The following ZNF483 variants were observed in gnomAD, a reference collection of about 807,000 sequenced individuals.
The protein encoded by ZNF483 is zinc finger protein 483.
Under a neutral mutation model 28.6 loss-of-function variants are expected in ZNF483, and 9 were observed. That is an observed-to-expected ratio of 0.32 (90% CI 0.19 to 0.55). The LOEUF (loss-of-function observed/expected upper bound fraction) is 0.55. Among genes scored for constraint, ZNF483 ranks in the 20% least tolerant of loss-of-function variants. ZNF483 has a pLI of 0.93. For synonymous variants in ZNF483, 322 were observed against 306.2 expected, an observed-to-expected ratio of 1.05 and a Z score of -0.54; for missense variants, 675 against 871.7, an observed-to-expected ratio of 0.77 and a Z score of 2.84.
chr9:111,550,823 A>G lies in ZNF483; in HGVS notation c.*7653A>G, dbSNP rs1827919162. On this transcript the variant is annotated 3_prime_UTR_variant, in exon 6 of 6. Transcript: ENST00000309235. ...TTTTTTCTAATTGGTTTTGTTTCATAGGTGAAATATTTTTTCTCTGAGCAT... is the reference window on the plus strand; with the variant it reads ...TTTTTTCTAATTGGTTTTGTTTCATGGGTGAAATATTTTTTCTCTGAGCAT... 6.6e-6 allele frequency among the ~76,000 whole-genome samples: 1 copy of G among 152,134 alleles called. No individual in the cohort carries two copies. The highest frequency in any genetic ancestry group is 2.4e-5 in the African/African-American group (1 of 41,430).
chr9:111,544,349 T>TGC lies in ZNF483; in HGVS notation c.*1180_*1181insCG. On this transcript the variant is annotated 3_prime_UTR_variant, in exon 6 of 6. Transcript: ENST00000309235. ...AACAATTTGCTTGGGTGTGTGTGCA[T>TGC]GTGTGTGTGTGTGTGTGTGTGTGTA... The TGC allele has an allele frequency of 3.5e-5, 16 of 454,828 alleles. No homozygotes were observed. The highest frequency in any genetic ancestry group is 7.5e-5 in the African/African-American group (1 of 13,310). 28.2% of individuals were successfully genotyped at this position (454,828 alleles called of 1,614,324 possible). A position where few individuals can be genotyped will look rare whatever the true frequency, so the allele number is the denominator to read the frequency against.
intron 5 of ZNF483, chr9:111,563,052 T>C (rs1040435646): frequency 1.1e-4 from 177 of 1,573,524 alleles, no homozygotes; most frequent in Non-Finnish European, 1.5e-4. Flanking sequence ...AGTATACATT[T>C]TTGCTAAATG....
chr9:111,534,718 CTTTTTTTT>C (rs67740162), intron 5 of ZNF483, among the ~76,000 whole-genome samples: 3 of 88,130 alleles, frequency 3.4e-5, no homozygotes, highest in Admixed American at 1.3e-4. Context: ...GTCGTTCTAT[CTTTTTTTT>C]TTTTTTTTTT....
intron 5 of ZNF483, among the ~76,000 whole-genome samples, chr9:111,565,288 A>G (rs892215357): frequency 1.3e-5 from 2 of 152,168 alleles, no homozygotes; most frequent in African/African-American, 4.8e-5. Context: ...AGAGGCCTGC[A>G]AAGAAACAAC....
At chr9:111,557,896 C>T (rs1023914706), downstream of ZNF483, among the ~76,000 whole-genome samples, 3 of 152,146 alleles carry the variant, frequency 2.0e-5, no homozygotes, top group African/African-American at 4.8e-5. Context: ...TGCCTGTAAT[C>T]CCAGCGCTTT....
rs1478081555 is a variant in ZNF483, at chr9:111,553,868, A to C, written c.*10698A>C. Among the ~76,000 whole-genome samples the C allele has an allele frequency of 6.6e-6, 1 of 152,254 alleles. No homozygotes were observed. The stretch of plus-strand genomic sequence containing the variant: ...CACAGAGAACCCAACAAATTGGAGT[A>C]GCTTAACTGAATGAAAGTTTATTCC... On this transcript the variant is annotated 3_prime_UTR_variant, in exon 6 of 6. Coordinates refer to ENST00000309235, the MANE Select transcript of ZNF483 (RefSeq NM_133464.5).
rs943063183 is a variant in ZNF483, at chr9:111,554,081, A to G, written c.*10911A>G. 6.6e-6 allele frequency among the ~76,000 whole-genome samples: 1 copy of G among 152,082 alleles called. No homozygotes were observed. Among genetic ancestry groups the G allele is most frequent in the Non-Finnish European group, 1.5e-5 (1 of 68,020 alleles). On this transcript the variant is annotated 3_prime_UTR_variant, in exon 6 of 6. Transcript: ENST00000309235. ...ACTCGGTGCCAAGGTTTCCCATTCC[A>G]CTCTAGAGATCTCACACAGGCTTCC... is the stretch of plus-strand genomic sequence containing the variant.
intron 3 of ZNF483, among the ~76,000 whole-genome samples, chr9:111,532,786 G>A (rs1420687852): frequency 6.6e-6 from 1 of 152,112 alleles, no homozygotes; most frequent in African/African-American, 2.4e-5. Flanking sequence ...GTGCATGCCT[G>A]TAATCCCAGC....
chr9:111,543,258 A>C lies in ZNF483; in HGVS notation c.*88A>C, dbSNP rs1055719167. 31 of 1,478,548 alleles carry C rather than the reference A, an allele frequency of 2.1e-5. No homozygotes were observed. The highest frequency in any genetic ancestry group is 1.8e-4 in the Middle Eastern group (1 of 5,540). 91.6% of individuals were successfully genotyped at this position (1,478,548 alleles called of 1,614,324 possible). ...ATGTAAACTTACAGTATTGATCAGT[A>C]GCTGCAGCTTTCGTAAATTGGCAGT... On this transcript the variant is annotated 3_prime_UTR_variant, in exon 6 of 6. Transcript: ENST00000309235.
At position 111,552,070 on chromosome 9, in the gene ZNF483, A is replaced by G. The variant is rs1589282447; in HGVS notation, c.*8900A>G. Among the ~76,000 whole-genome samples the G allele has an allele frequency of 6.6e-6, 1 of 152,184 alleles. No individual in the cohort carries two copies. The highest frequency in any genetic ancestry group is 2.1e-4 in the South Asian group (1 of 4,826). ...GGTCACAAGTTTTTCCCATTTTAGG[A>G]GCTTCAAATTTAGCTTGTTCATATG... On this transcript the variant is annotated 3_prime_UTR_variant, in exon 6 of 6. Coordinates refer to ENST00000309235, the MANE Select transcript of ZNF483 (RefSeq NM_133464.5).
chr9:111,570,614 T>TA lies in ZNF483; in HGVS notation c.722-5736dup, dbSNP rs75586959. Reference sequence around the variant, plus strand: ...TGAAACCCCCGTCTCTTCTAAAAATTAAAAAAAAAAAAAAATTAGCTGGGC... The same window carrying TA: ...TGAAACCCCCGTCTCTTCTAAAAATTAAAAAAAAAAAAAAAATTAGCTGGGC... On this transcript the variant is annotated intron_variant, in intron 5 of 5. Coordinates refer to the ZNF483 transcript ENST00000358151. 3.4e-3 allele frequency among the ~76,000 whole-genome samples: 467 copies of TA among 138,956 alleles called. 2 individuals carry two copies. Among genetic ancestry groups the TA allele is most frequent in the Middle Eastern group, 0.022 (6 of 278 alleles). The allele number at this position is 138,956 out of a possible 152,430, so 91.2% of individuals were successfully genotyped here. A position where few individuals can be genotyped will look rare whatever the true frequency, so the allele number is the denominator to read the frequency against.
At position 111,544,110 on chromosome 9, in the gene ZNF483, G is replaced by A; in HGVS notation, c.*940G>A. The A allele has an allele frequency of 5.1e-6, 5 of 985,470 alleles. No individual in the cohort carries two copies. The highest frequency in any genetic ancestry group is 6.0e-6 in the Non-Finnish European group (5 of 829,968). The allele number at this position is 985,470 out of a possible 1,614,324, so 61.0% of individuals were successfully genotyped here. On this transcript the variant is annotated 3_prime_UTR_variant, in exon 6 of 6. Coordinates refer to ENST00000309235, the MANE Select transcript of ZNF483 (RefSeq NM_133464.5). Reference sequence around the variant, plus strand: ...ATTGGCCAACAGGACTGAGAAGCCAGAGAGCTTGCACCTGAGCCATCTCAG... The same window carrying A: ...ATTGGCCAACAGGACTGAGAAGCCAAAGAGCTTGCACCTGAGCCATCTCAG...
rs2132271203 is a variant in ZNF483 at position 111,547,986 on chromosome 9, G to T, written c.*4816G>T. Among the ~76,000 whole-genome samples, 1 of 152,200 alleles carries T rather than the reference G, an allele frequency of 6.6e-6. No individual in the cohort carries two copies. Among genetic ancestry groups the T allele is most frequent in the South Asian group, 2.1e-4 (1 of 4,820 alleles). On this transcript the variant is annotated 3_prime_UTR_variant, in exon 6 of 6. Coordinates refer to ENST00000309235, the MANE Select transcript of ZNF483 (RefSeq NM_133464.5). ...TCTGCTCTGTTTCTTTGGTCTATAT[G>T]TTTGTCTTTATGCCAGTACCATGCT...
At position 111,555,393 on chromosome 9, in the gene ZNF483, T is replaced by C. The variant is rs1318914660; in HGVS notation, c.*12223T>C. Among the ~76,000 whole-genome samples the C allele has an allele frequency of 3.9e-5, 6 of 152,298 alleles. No individual in the cohort carries two copies. The East Asian group carries it at 7.7e-4, about 20-fold the overall frequency. On this transcript the variant is annotated 3_prime_UTR_variant, in exon 6 of 6. Transcript: ENST00000309235. ...CCTGATGCCTCCACCTCCTAAATCT[T>C]TCCATATTTCATTAGTACCCCATCA...
chr9:111,529,714 A>G (rs1307710924), intron 2 of ZNF483, among the ~76,000 whole-genome samples: 2 of 152,242 alleles, frequency 1.3e-5, no homozygotes, highest in Non-Finnish European at 2.9e-5. Context: ...ATTTGAAAAG[A>G]TTTTTATATG....
Position 111,574,910 on chromosome 9 carries a change from C to T in ZNF483, c.722-1455C>T, listed in dbSNP as rs1246399214. The T allele has an allele frequency of 1.2e-5, 15 of 1,269,826 alleles. No homozygotes were observed. The East Asian group carries it at 1.2e-4, about 10-fold the overall frequency. 78.7% of individuals were successfully genotyped at this position (1,269,826 alleles called of 1,614,324 possible). On this transcript the variant is annotated intron_variant, in intron 5 of 5. Transcript: ENST00000358151. Reference sequence around the variant, plus strand: ...TAGAGATTCAGGAGAATCATTAAGTCACAAGCATTATTTTACAATACCTGT... The same window carrying T: ...TAGAGATTCAGGAGAATCATTAAGTTACAAGCATTATTTTACAATACCTGT...
intron 5 of ZNF483, chr9:111,562,495 T>G (rs10980946): frequency 0.31 from 46,966 of 151,860 alleles, 7,901 homozygotes; most frequent in East Asian, 0.4. Flanking sequence ...AGGCTGGTCT[T>G]GCACTGCTGA....
rs374573062 is a variant in ZNF483, at chr9:111,532,321, AC to A, written c.501+1361del. Reference sequence around the variant, plus strand: ...ACTCCAGCCTGGGTAACAAAGTGAGACCCAGTCTCACAAAAAGAAAACAAGA... The same window carrying A: ...ACTCCAGCCTGGGTAACAAAGTGAGACCAGTCTCACAAAAAGAAAACAAGA... On this transcript the variant is annotated intron_variant, in intron 3 of 5. Transcript: ENST00000309235. Among the ~76,000 whole-genome samples, 73 of 152,212 alleles carry A rather than the reference AC, an allele frequency of 4.8e-4. 1 individual carries two copies. Among genetic ancestry groups the A allele is most frequent in the African/African-American group, 1.6e-3 (67 of 41,532 alleles).
chr9:111,534,718 C>CT (rs67740162), intron 5 of ZNF483, among the ~76,000 whole-genome samples: 13,609 of 87,916 alleles, frequency 0.15, 1,617 homozygotes, highest in African/African-American at 0.2. Context: ...GTCGTTCTAT[C>CT]TTTTTTTTTT....
Sources: gnomAD v4.1 joint callset for allele counts (sites outside exome capture counted in the v4.1 genomes callset) on GRCh38, gnomAD v4.1.1 for gene constraint, MANE v1.5 for transcripts, NCBI Gene and HGNC (gene_info 2026-07-23, HGNC 2026-07-21) for gene names.